Variants in CROCC2 observed in about 807,000 individuals in gnomAD.
CROCC2 encodes ciliary rootlet coiled-coil, rootletin family member 2, also known as ciliary rootlet coiled-coil protein 2.
In CROCC2, 163 loss-of-function variants were observed where a neutral mutation model predicts 177.6. The ratio of observed to expected loss-of-function variants is 0.92; its 90% CI spans 0.81 to 1.05. CROCC2 has a LOEUF of 1.05. Among genes scored for constraint, CROCC2 ranks in the 50% least tolerant of loss-of-function variants. The pLI is 0.00. For synonymous variants in CROCC2, 904 were observed against 787.3 expected, an observed-to-expected ratio of 1.15 and a Z score of -2.48; for missense variants, 1,929 against 1,797.8, an observed-to-expected ratio of 1.07 and a Z score of -1.32.
intron 29 of CROCC2, 108 bp from the exon 30 acceptor site, chr2:240,989,546 C>A (rs971474066): frequency 9.3e-7 from 1 of 1,081,038 alleles, no homozygotes; most frequent in African/African-American, 1.6e-5. Flanking sequence ...CGGCAGAGGG[C>A]AGTGGGGCCC....
rs1444307165 is a variant in CROCC2 at position 240,906,611 on chromosome 2, C to A, written c.78+20C>A. 7.5e-6 allele frequency: 3 copies of A among 399,008 alleles called. No individual in the cohort carries two copies. The highest frequency in any genetic ancestry group is 1.3e-5 in the Non-Finnish European group (3 of 226,098). The allele number at this position is 399,008 out of a possible 1,614,324, so 24.7% of individuals were successfully genotyped here. A position where few individuals can be genotyped will look rare whatever the true frequency, so the allele number is the denominator to read the frequency against. On this transcript the variant is annotated intron_variant, in intron 1 of 31. Coordinates refer to ENST00000690015, the MANE Select transcript of CROCC2 (RefSeq NM_001351305.2). ...ATCCAGGTCAGTGGGGTGGTCACTT[C>A]CCTGCACCCTCCTGAGAGCAGGTTG...
In CROCC2 at chr2:240,934,374, A is replaced by G. The variant is rs2059453915; in HGVS notation, c.1690A>G (p.Arg564Gly). 6.5e-7 allele frequency: 1 copy of G among 1,548,704 alleles called. No individual in the cohort carries two copies. Among genetic ancestry groups the G allele is most frequent in the Admixed American group, 2.0e-5 (1 of 50,984 alleles). Residue 564 changes from arginine (R) to glycine (G), a missense_variant, in exon 12 of 32, where the codon AGA becomes GGA. By Grantham distance (125) the Arg-to-Gly change is moderately radical (BLOSUM62 -2). This residue lies in a region of CROCC2 where 1,397 missense variants were observed against 1,239.9 expected (regional missense o/e 1.13). Transcript: ENST00000690015. ...QQLEEKVSGL[R>G]EELASVREAL... is the part of the protein sequence containing the mutation. The stretch of plus-strand genomic sequence containing the variant: ...GCTGGAGGAGAAGGTCTCCGGGCTC[A>G]GAGAGGAGCTGGCATCGGTCCGGGA...
chr2:240,907,458 C>T (rs2059263208), intron 1 of CROCC2, among the ~76,000 whole-genome samples: 1 of 152,198 alleles, frequency 6.6e-6, no homozygotes. Flanking sequence ...CCCTGACGAA[C>T]TGGCTTACTC....
chr2:240,958,561 C>T lies in CROCC2; in HGVS notation c.2944-740C>T. 1.0e-6 allele frequency: 1 copy of T among 984,790 alleles called. No homozygotes were observed. The highest frequency in any genetic ancestry group is 1.2e-6 in the Non-Finnish European group (1 of 829,364). 61.0% of individuals were successfully genotyped at this position (984,790 alleles called of 1,614,324 possible). ...AACACAAAGCCAGCTCTGGAGGGAG[C>T]CATCCCCCACCAGCCGCCCCCCGCC... On this transcript the variant is annotated intron_variant, in intron 19 of 31. Transcript: ENST00000690015. The surrounding 1 kb of genome is among the most constrained non-coding windows in gnomAD (Gnocchi z 6.7).
chr2:240,952,457 T>C (rs1277956994), intron 18 of CROCC2, among the ~76,000 whole-genome samples: 1 of 152,246 alleles, frequency 6.6e-6, no homozygotes. Flanking sequence ...CCTATATTAC[T>C]GGTGAGAAAA....
chr2:240,921,930 G>A (rs77950426), intron 3 of CROCC2, among the ~76,000 whole-genome samples: 4,689 of 152,296 alleles, frequency 0.031, 232 homozygotes, highest in African/African-American at 0.11. Context: ...GCCCAGTGGT[G>A]GCAGAGTGGC....
rs921233385 is a variant in CROCC2 at position 240,972,397 on chromosome 2, T to A, written c.4401+4135T>A. 7.1e-5 allele frequency among the ~76,000 whole-genome samples: 9 copies of A among 127,536 alleles called. No homozygotes were observed. The highest frequency in any genetic ancestry group is 2.9e-4 in the East Asian group (1 of 3,432). The allele number at this position is 127,536 out of a possible 152,430, so 83.7% of individuals were successfully genotyped here. ...CCGGTGCACGGTCACGGTGCGGTCCTCCACCTCCCCAGCTGCTTGCCTCAC... is the reference window on the plus strand; with the variant it reads ...CCGGTGCACGGTCACGGTGCGGTCCACCACCTCCCCAGCTGCTTGCCTCAC... On this transcript the variant is annotated intron_variant, in intron 27 of 31. Coordinates refer to ENST00000690015, the MANE Select transcript of CROCC2 (RefSeq NM_001351305.2). The surrounding 1 kb of genome is among the most constrained non-coding windows in gnomAD (Gnocchi z 7.1).
Position 240,933,226 on chromosome 2 carries a change from G to C in CROCC2, c.1347G>C (p.Lys449Asn), listed in dbSNP as rs571644376. The change falls in exon 10 of 32, where the codon AAG becomes AAC. Residue 449 changes from lysine (K) to asparagine (N), a missense_variant. Physicochemically the swap from Lys to Asn is moderately conservative, Grantham distance 94. Around this residue, in one of 3 missense-constraint regions of CROCC2, gnomAD observed 1,397 missense variants for 1,239.9 expected, o/e 1.13. Coordinates refer to ENST00000690015, the MANE Select transcript of CROCC2 (RefSeq NM_001351305.2). ...GGCGGGAGCTGTGGGCCGCACAGAA[G>C]CTCCAGCAGGAGCGGGCTCGGGAGC... Reference protein sequence around the residue: ...ESRRELWAAQKLQQERAREQA... With the variant: ...ESRRELWAAQNLQQERAREQA... 8.9e-5 allele frequency: 138 copies of C among 1,549,760 alleles called. No individual in the cohort carries two copies. The African/African-American group carries it at 1.7e-3, about 20-fold the overall frequency.
chr2:240,989,175 T>G (rs1023155355), intron 29 of CROCC2, among the ~76,000 whole-genome samples: 7 of 152,052 alleles, frequency 4.6e-5, no homozygotes, highest in Non-Finnish European at 1.0e-4. Flanking sequence ...GAGAGGCCTG[T>G]GGGGCATGGC....
chr2:240,965,689 T>G lies in CROCC2; in HGVS notation c.3657T>G (p.His1219Gln), dbSNP rs1422553956. Residue 1219 changes from histidine to glutamine, a missense_variant, in exon 24 of 32, where the codon CAT becomes CAG. Physicochemically the swap from His to Gln is conservative, Grantham distance 24. This residue lies in a region of CROCC2 where 144 missense variants were observed against 205.2 expected (regional missense o/e 0.70). Transcript: ENST00000690015. The part of the protein sequence containing the change: ...LAEVEAAGEA[H>Q]GQRLQEHLRE... ...AGGTGGAGGCCGCAGGGGAGGCCCA[T>G]GGACAGCGGCTCCAGGAGCACCTCC... 1.3e-6 allele frequency: 2 copies of G among 1,550,218 alleles called. No homozygotes were observed. The highest frequency in any genetic ancestry group is 3.9e-5 in the Admixed American group (2 of 50,950).
intron 21 of CROCC2, chr2:240,964,251 G>T: frequency 1.6e-6 from 1 of 606,670 alleles, no homozygotes; most frequent in Admixed American, 2.9e-5. Flanking sequence ...GGCTGAAGAG[G>T]TGGATAGTGG....
At chr2:240,992,965 G>T in intron 31 of CROCC2, 101 bp from the exon 32 acceptor site, 1 of 676,480 alleles carries the variant, frequency 1.5e-6, no homozygotes, top group Non-Finnish European at 2.8e-6. Flanking sequence ...CCCAGTTGTG[G>T]GCAGGAGACT....
chr2:240,987,461 T>C (rs887621409), intron 28 of CROCC2, among the ~76,000 whole-genome samples: 1 of 152,238 alleles, frequency 6.6e-6, no homozygotes, highest in Admixed American at 6.5e-5. Context: ...GGACTTCCTT[T>C]TTCAGTGCAG....
At chr2:240,959,501 C>G (rs2059617010) in intron 20 of CROCC2, 57 bp downstream of exon 20, 6 of 1,530,462 alleles carry the variant, frequency 3.9e-6, no homozygotes, top group Non-Finnish European at 5.3e-6. Flanking sequence ...GAAAGCAGGG[C>G]AGGTACCAAG....
chr2:240,933,182 G>A lies in CROCC2; in HGVS notation c.1303G>A (p.Glu435Lys). 1 of 1,549,814 alleles carries A rather than the reference G, an allele frequency of 6.5e-7. No individual in the cohort carries two copies. Among genetic ancestry groups the A allele is most frequent in the Non-Finnish European group, 8.7e-7 (1 of 1,146,650 alleles). Residue 435 changes from glutamate to lysine, a missense_variant, in exon 10 of 32, where the codon GAG (glutamate) becomes AAG (lysine). Physicochemically the swap from Glu to Lys is moderately conservative, Grantham distance 56 (BLOSUM62 1). Coordinates refer to ENST00000690015, the MANE Select transcript of CROCC2 (RefSeq NM_001351305.2). ...CCAGGCACTGGTGGCCAGTCTCCAG[G>A]AGCAGCTGTCCGAAAGCCGGCGGGA... The part of the protein sequence containing the change: ...SSQALVASLQ[E>K]QLSESRRELW...
intron 22 of CROCC2, 75 bp from the exon 23 acceptor site, chr2:240,965,306 G>A: frequency 1.3e-6 from 2 of 1,529,554 alleles, no homozygotes; most frequent in Non-Finnish European, 1.8e-6. Context: ...TGTGAGCGGA[G>A]GCAGGAGGCA....
chr2:240,989,225 CCT>C (rs1371105551), intron 29 of CROCC2, among the ~76,000 whole-genome samples: 2 of 152,102 alleles, frequency 1.3e-5, no homozygotes, highest in Non-Finnish European at 2.9e-5. Flanking sequence ...GAGGAAATCC[CCT>C]GAGGCCTAGG....
intron 28 of CROCC2, 27 bp from the exon 29 acceptor site, chr2:240,988,712 A>G: frequency 7.4e-7 from 1 of 1,345,352 alleles, no homozygotes; most frequent in Non-Finnish European, 9.6e-7. Flanking sequence ...AGGAGGCCAC[A>G]GGTTCTGCCT....
At chr2:240,928,321 C>A (rs1281307040) in intron 5 of CROCC2, among the ~76,000 whole-genome samples, 1 of 152,148 alleles carries the variant, frequency 6.6e-6, no homozygotes, top group Admixed American at 6.5e-5. Context: ...ATGTAGTGTG[C>A]TTCCATATCC....
Sources: allele counts gnomAD v4.1 joint callset (sites outside exome capture counted in the v4.1 genomes callset), GRCh38; gene constraint gnomAD v4.1.1; regional missense constraint gnomAD v4.1.1; non-coding constraint Gnocchi (gnomAD v3.1); transcripts MANE v1.5; gene names NCBI Gene and HGNC (gene_info 2026-07-23, HGNC 2026-07-21).